PDE1C: variants seen among roughly 807,000 people sequenced by gnomAD.
PDE1C encodes the protein phosphodiesterase 1C.
PDE1C carries 62 observed loss-of-function variants against 93.1 expected under a neutral mutation model. The observed-to-expected ratio is 0.67, with a 90% CI of 0.54 to 0.82. PDE1C has a LOEUF of 0.82. Among genes scored for constraint, PDE1C ranks in the 40% least tolerant of loss-of-function variants. PDE1C has a pLI of 0.00. For missense variants in PDE1C, 742 were observed against 884.6 expected, an observed-to-expected ratio of 0.84 and a Z score of 2.04; for synonymous variants, 325 against 310.1, an observed-to-expected ratio of 1.05 and a Z score of -0.50.
intron 1 of PDE1C, among the ~76,000 whole-genome samples, chr7:32,374,256 G>GAAGAAAGGAAGAAAGAAAGA (rs1554314009): frequency 1.8e-5 from 2 of 113,250 alleles, no homozygotes; most frequent in East Asian, 5.5e-4. Flanking sequence ...GAAAGGAAAG[G>GAAGAAAGGAAGAAAGAAAGA]AAGAAAGAAA....
chr7:31,655,894 A>G, the PDE1C span: 1 of 985,468 alleles, frequency 1.0e-6, no homozygotes, highest in South Asian at 4.7e-5. Flanking sequence ...TGGCTCTAGG[A>G]TGTCCCTCAC....
At chr7:32,296,599 C>T (rs1470324967) in intron 1 of PDE1C, among the ~76,000 whole-genome samples, 1 of 152,184 alleles carries the variant, frequency 6.6e-6, no homozygotes, top group Non-Finnish European at 1.5e-5. Flanking sequence ...GACCACCAGA[C>T]CATACCAATC....
chr7:32,419,726 G>T (rs1785352169), intron 1 of PDE1C, among the ~76,000 whole-genome samples: 1 of 152,008 alleles, frequency 6.6e-6, no homozygotes, highest in African/African-American at 2.4e-5. Flanking sequence ...CCAGGGCTTT[G>T]CTGCTAACAT....
intron 1 of PDE1C, among the ~76,000 whole-genome samples, chr7:32,403,945 T>C (rs73307842): frequency 4.6e-5 from 7 of 152,290 alleles, no homozygotes; most frequent in African/African-American, 1.7e-4. Context: ...GAAATCACAA[T>C]AATAATAATT....
intron 1 of PDE1C, among the ~76,000 whole-genome samples, chr7:32,308,959 G>A (rs544998486): frequency 3.4e-4 from 51 of 151,814 alleles, no homozygotes; most frequent in African/African-American, 9.9e-4. Context: ...CCGAGCTACA[G>A]GAGGAAACTC....
At chr7:32,169,651 CCTT>C (rs1802522315) in intron 3 of PDE1C, 6 of 756,780 alleles carry the variant, frequency 7.9e-6, no homozygotes, top group Non-Finnish European at 1.3e-5. Context: ...TTCCAACCCT[CCTT>C]CATCAATTTT....
chr7:31,876,465 A>G (rs1354934091), intron 5 of PDE1C, among the ~76,000 whole-genome samples: 3 of 152,154 alleles, frequency 2.0e-5, no homozygotes, highest in African/African-American at 7.2e-5. Context: ...AGAGGCTTCA[A>G]TTTGGATAGA....
intron 6 of PDE1C, among the ~76,000 whole-genome samples, chr7:31,865,831 T>A (rs1162177760): frequency 6.6e-6 from 1 of 152,208 alleles, no homozygotes; most frequent in Non-Finnish European, 1.5e-5. Flanking sequence ...CAGTTTATAT[T>A]TGTTTTGCAA....
chr7:31,803,535 C>T (rs1171970569), intron 16 of PDE1C, among the ~76,000 whole-genome samples: 1 of 151,870 alleles, frequency 6.6e-6, no homozygotes, highest in Non-Finnish European at 1.5e-5. Flanking sequence ...GGTATATCTC[C>T]TAATGCTATC....
chr7:32,113,337 ATCTC>A (rs1798791522), intron 3 of PDE1C, among the ~76,000 whole-genome samples: 2 of 143,374 alleles, frequency 1.4e-5, no homozygotes, highest in Admixed American at 1.4e-4. Context: ...ATATATATCT[ATCTC>A]AATTTCTGGG....
At chr7:32,074,725 G>A (rs111962452), upstream of PDE1C, among the ~76,000 whole-genome samples, 8 of 152,310 alleles carry the variant, frequency 5.3e-5, no homozygotes, top group African/African-American at 1.2e-4. Context: ...CTTGAAAGTA[G>A]GTGGAGTAGA....
At chr7:32,308,084 C>A (rs1272431054) in intron 1 of PDE1C, among the ~76,000 whole-genome samples, 1 of 152,242 alleles carries the variant, frequency 6.6e-6, no homozygotes, top group Non-Finnish European at 1.5e-5. Flanking sequence ...AGATTATATC[C>A]CGCACATGGC....
At chr7:31,618,443 C>T in the PDE1C span, among the ~76,000 whole-genome samples, 2 of 152,140 alleles carry the variant, frequency 1.3e-5, no homozygotes, top group Non-Finnish European at 2.9e-5. Flanking sequence ...TCTTGGCACC[C>T]AAGTTTCATG....
At chr7:31,675,167 A>G in the PDE1C span, among the ~76,000 whole-genome samples, 1 of 152,016 alleles carries the variant, frequency 6.6e-6, no homozygotes, top group Non-Finnish European at 1.5e-5. Context: ...AGCTGTCAAG[A>G]TGTGGTTGAT....
intron 2 of PDE1C, among the ~76,000 whole-genome samples, chr7:32,039,225 G>A (rs1484732914): frequency 6.6e-6 from 1 of 152,054 alleles, no homozygotes; most frequent in Non-Finnish European, 1.5e-5. Flanking sequence ...AGTGAGTAGG[G>A]GTGATCAGTA....
At chr7:31,963,941 T>C (rs898022461) in intron 2 of PDE1C, among the ~76,000 whole-genome samples, 2 of 152,228 alleles carry the variant, frequency 1.3e-5, no homozygotes, top group Non-Finnish European at 2.9e-5. Flanking sequence ...AGCATGACTT[T>C]ATCTGTGTTA....
At chr7:32,388,414 A>G (rs1173187121) in intron 1 of PDE1C, among the ~76,000 whole-genome samples, 2 of 152,184 alleles carry the variant, frequency 1.3e-5, no homozygotes, top group African/African-American at 4.8e-5. Context: ...TGGAAGAACA[A>G]GAAATAAAGC....
intron 3 of PDE1C, among the ~76,000 whole-genome samples, chr7:32,091,905 C>T (rs1797491835): frequency 1.3e-5 from 2 of 152,088 alleles, no homozygotes; most frequent in Non-Finnish European, 2.9e-5. Context: ...CATCTAGTTC[C>T]CAGGCAAAAG....
At chr7:31,628,141 A>G in the PDE1C span, among the ~76,000 whole-genome samples, 1 of 152,214 alleles carries the variant, frequency 6.6e-6, no homozygotes, top group Non-Finnish European at 1.5e-5. Flanking sequence ...ACAATAAAGG[A>G]CGGCAGCCAT....
Sources: gnomAD v4.1 joint callset for allele counts (sites outside exome capture counted in the v4.1 genomes callset) on GRCh38, gnomAD v4.1.1 for gene constraint, MANE v1.5 for transcripts, NCBI Gene and HGNC (gene_info 2026-07-23, HGNC 2026-07-21) for gene names.